SLC6A4: variants seen among roughly 807,000 people sequenced by gnomAD.
SLC6A4 encodes solute carrier family 6 member 4, also known as sodium-dependent serotonin transporter.
In SLC6A4, 22 loss-of-function variants were observed where a neutral mutation model predicts 73.4. The ratio of observed to expected loss-of-function variants is 0.30; its 90% CI spans 0.21 to 0.43. The LOEUF is 0.43. Among genes scored for constraint, SLC6A4 ranks in the 20% least tolerant of loss-of-function variants. The probability of loss-of-function intolerance (pLI) is 1.00; values close to 1 mark genes in which losing one functional copy is unlikely to be tolerated. For missense variants in SLC6A4, 593 were observed against 808.5 expected (o/e 0.73, Z 3.23); for synonymous variants, 270 against 315.5 (o/e 0.86, Z 1.53).
At chr17:30,199,834 A>G (rs756588708) in intron 14 of SLC6A4, among the ~76,000 whole-genome samples, 3 of 152,118 alleles carry the variant, frequency 2.0e-5, no homozygotes, top group Non-Finnish European at 4.4e-5. Flanking sequence ...CATGTGAACT[A>G]TACCTGATTA....
At chr17:30,227,981 G>A (rs910020882) in intron 1 of SLC6A4, among the ~76,000 whole-genome samples, 4 of 152,202 alleles carry the variant, frequency 2.6e-5, no homozygotes, top group Admixed American at 6.5e-5. Flanking sequence ...GTCCCCCTGA[G>A]AGGCTGGCCA....
intron 1 of SLC6A4, among the ~76,000 whole-genome samples, chr17:30,232,756 G>A (rs958340655): frequency 3.3e-5 from 5 of 152,212 alleles, no homozygotes; most frequent in South Asian, 2.1e-4. Context: ...TTAAAAGCGC[G>A]TTGTTGACAT....
At position 30,211,075 on chromosome 17, in the gene SLC6A4, A is replaced by G. The variant is rs963945355; in HGVS notation, c.1317+237T>C. On this transcript the variant is annotated intron_variant, in intron 10 of 14. Transcript: ENST00000650711. The surrounding 1 kb of genome is among the most constrained non-coding windows in gnomAD (Gnocchi z 4.0). ...GGGACAGTGCTTAATAACAGTTCAC[A>G]TATGTGAGCCTTGGGCCTCATAAGC... Among the ~76,000 whole-genome samples, 8 of 152,354 alleles carry G rather than the reference A, an allele frequency of 5.3e-5. No homozygotes were observed. Among genetic ancestry groups the G allele is most frequent in the Admixed American group, 5.2e-4 (8 of 15,302 alleles).
intron 1 of SLC6A4, among the ~76,000 whole-genome samples, chr17:30,233,514 C>T (rs1256016383): frequency 2.6e-5 from 4 of 152,138 alleles, no homozygotes; most frequent in African/African-American, 7.2e-5. Context: ...AGAGTACCGG[C>T]CCTCCGGCAT....
In SLC6A4 at chr17:30,196,920, G is replaced by A. The variant is rs1431281792; in HGVS notation, c.*1536C>T. On this transcript the variant is annotated 3_prime_UTR_variant, in exon 15 of 15. Coordinates refer to ENST00000650711, the MANE Select transcript of SLC6A4 (RefSeq NM_001045.6). ...ATGCTGGGGAAAGGAGGCCAAGGGA[G>A]GAAAACCTAGAATTGGACAGGATGT... is the stretch of plus-strand genomic sequence containing the variant. 1 of 152,302 alleles carries A rather than the reference G, an allele frequency of 6.6e-6. No homozygotes were observed. Among genetic ancestry groups the A allele is most frequent in the African/African-American group, 2.4e-5 (1 of 41,440 alleles). The allele number at this position is 152,302 out of a possible 1,614,324, so 9.4% of individuals were successfully genotyped here. A position where few individuals can be genotyped will look rare whatever the true frequency, so the allele number is the denominator to read the frequency against.
chr17:30,222,283 A>G (rs1906790446), intron 2 of SLC6A4, among the ~76,000 whole-genome samples: 1 of 152,262 alleles, frequency 6.6e-6, no homozygotes, highest in Admixed American at 6.5e-5. Flanking sequence ...AATGACAATC[A>G]AGTAATTTCA....
chr17:30,216,761 C>G (rs578224019), intron 6 of SLC6A4, among the ~76,000 whole-genome samples: 202 of 152,146 alleles, frequency 1.3e-3, no homozygotes, highest in Non-Finnish European at 2.3e-3. Context: ...CTCCACCTCC[C>G]AGGTTCAAGT....
At position 30,199,080 on chromosome 17, in the gene SLC6A4, A is replaced by C. The variant is rs55801002; in HGVS notation, c.1819-550T>G. 2.6e-3 allele frequency among the ~76,000 whole-genome samples: 398 copies of C among 152,354 alleles called. 1 individual carries two copies. The highest frequency in any genetic ancestry group is 9.4e-3 in the African/African-American group (390 of 41,584). ...AGTTCATATGAGAGTATAAATTATC[A>C]CATAGTTAAACTGTAAAAGATGCGA... On this transcript the variant is annotated intron_variant, in intron 14 of 14. Transcript: ENST00000650711.
intron 11 of SLC6A4, 139 bp from the exon 12 acceptor site, chr17:30,209,381 T>C (rs892045947): frequency 3.3e-6 from 2 of 597,340 alleles, no homozygotes; most frequent in Admixed American, 5.8e-5. Flanking sequence ...CCCCAGAAAC[T>C]GCCTCTTAGG....
intron 1 of SLC6A4, among the ~76,000 whole-genome samples, chr17:30,231,688 A>T (rs1907120606): frequency 6.6e-6 from 1 of 152,074 alleles, no homozygotes; most frequent in Non-Finnish European, 1.5e-5. Context: ...TCAGTTGAAA[A>T]TTTTCAAAAG....
chr17:30,209,310 G>A (rs1906311333), intron 11 of SLC6A4, 68 bp from the exon 12 acceptor site: 1 of 947,636 alleles, frequency 1.1e-6, no homozygotes, highest in East Asian at 2.4e-5. Flanking sequence ...ACAGAGACCT[G>A]CAGGGGCTTC....
intron 14 of SLC6A4, among the ~76,000 whole-genome samples, chr17:30,198,956 C>T (rs887311831): frequency 2.6e-5 from 4 of 152,176 alleles, no homozygotes; most frequent in Admixed American, 2.6e-4. Flanking sequence ...TCCTTGTCTC[C>T]TGCAGACACA....
chr17:30,231,482 G>C (rs773196034), intron 1 of SLC6A4, among the ~76,000 whole-genome samples: 6 of 151,186 alleles, frequency 4.0e-5, no homozygotes, highest in Non-Finnish European at 7.4e-5. Context: ...TATATATAGT[G>C]TGTATATATA....
chr17:30,221,829 A>G lies in SLC6A4; in HGVS notation c.130T>C (p.Ser44Pro). 1 of 1,614,106 alleles carries G rather than the reference A, an allele frequency of 6.2e-7. No individual in the cohort carries two copies. The highest frequency in any genetic ancestry group is 8.5e-7 in the Non-Finnish European group (1 of 1,180,026). Residue 44 changes from serine (S) to proline (P), a missense_variant, in exon 3 of 15, where the codon TCC (serine) becomes CCC (proline). Physicochemically the swap from Ser to Pro is moderately conservative, Grantham distance 74 (BLOSUM62 -1). Transcript: ENST00000650711. ...PGDKVESGQI[S>P]NGYSAVPSPG... is the part of the protein sequence containing the mutation. ...CTTGGAACTGCTGAGTACCCATTGG[A>G]TATTTGCCCGGACTCCACTTTGTCC...
intron 2 of SLC6A4, 72 bp downstream of exon 2, chr17:30,222,747 G>C (rs1906807660): frequency 1.1e-5 from 14 of 1,248,908 alleles, no homozygotes; most frequent in African/African-American, 6.2e-5. Flanking sequence ...CAGTCTATCT[G>C]CACATGGCCT....
At chr17:30,228,771 CTCTT>C (rs1907001156) in intron 1 of SLC6A4, among the ~76,000 whole-genome samples, 1 of 152,238 alleles carries the variant, frequency 6.6e-6, no homozygotes, top group South Asian at 2.1e-4. Context: ...CCAAGATACA[CTCTT>C]TCTACTCAAT....
intron 12 of SLC6A4, 63 bp downstream of exon 12, chr17:30,209,080 C>A: frequency 1.8e-6 from 2 of 1,136,708 alleles, no homozygotes; most frequent in Non-Finnish European, 2.6e-6. Context: ...TGAAATCAGC[C>A]CTTTGCTACT....
At chr17:30,212,304 T>C (rs1906412312) in intron 9 of SLC6A4, among the ~76,000 whole-genome samples, 1 of 152,212 alleles carries the variant, frequency 6.6e-6, no homozygotes, top group Non-Finnish European at 1.5e-5. Context: ...GCCCCAGAAC[T>C]GGGTGCCAAG....
chr17:30,218,761 G>A (rs200816977), intron 4 of SLC6A4, 36 bp downstream of exon 4: 9 of 1,610,708 alleles, frequency 5.6e-6, no homozygotes, highest in Non-Finnish European at 7.6e-6. Context: ...TTCCTGAGAG[G>A]CTCCACTTAC....
Sources: gnomAD v4.1 joint callset for allele counts (sites outside exome capture counted in the v4.1 genomes callset) on GRCh38, gnomAD v4.1.1 for gene constraint, Gnocchi (gnomAD v3.1) non-coding constraint, MANE v1.5 for transcripts, NCBI Gene and HGNC (gene_info 2026-07-23, HGNC 2026-07-21) for gene names.